The following COL4A2 variants were observed in gnomAD, a reference collection of about 807,000 sequenced individuals.
COL4A2 encodes the protein collagen type IV alpha 2 chain, also known as collagen alpha-2(IV) chain.
A neutral mutation model predicts 200.2 loss-of-function variants in COL4A2; 99 were observed. That is an observed-to-expected ratio of 0.49 (90% confidence interval 0.42 to 0.58). COL4A2 has a LOEUF of 0.58. Among genes scored for constraint, COL4A2 ranks in the 20% least tolerant of loss-of-function variants. The pLI, the probability that COL4A2 is intolerant of heterozygous loss-of-function variation, is 0.00. For missense variants in COL4A2, 1,950 were observed against 2,314.1 expected (o/e 0.84, Z 3.23); for synonymous variants, 897 against 900.6 (o/e 1.00, Z 0.07).
chr13:110,466,177 G>A (rs1358717164), intron 26 of COL4A2, 115 bp downstream of exon 26: 17 of 1,257,068 alleles, frequency 1.4e-5, no homozygotes, highest in Admixed American at 2.3e-5. Flanking sequence ...TGCAAGCCAC[G>A]TTTGATTTCC....
At chr13:110,408,817 A>ATG (rs1879687372) in intron 4 of COL4A2, among the ~76,000 whole-genome samples, 1 of 140,768 alleles carries the variant, frequency 7.1e-6, no homozygotes, top group Admixed American at 6.8e-5. Flanking sequence ...ATATATACAC[A>ATG]CACACATGCA....
chr13:110,418,344 C>G (rs1349046307), intron 4 of COL4A2, among the ~76,000 whole-genome samples: 3 of 152,178 alleles, frequency 2.0e-5, no homozygotes, highest in Non-Finnish European at 2.9e-5. Flanking sequence ...TTAACTGTAT[C>G]TTTTGACAAT....
At chr13:110,378,890 G>A (rs539138176) in intron 4 of COL4A2, among the ~76,000 whole-genome samples, 36 of 152,262 alleles carry the variant, frequency 2.4e-4, no homozygotes, top group African/African-American at 8.2e-4. Context: ...TGGTGTCGGT[G>A]GACACAGTCA....
intron 4 of COL4A2, among the ~76,000 whole-genome samples, chr13:110,390,117 T>G (rs1594186876): frequency 6.6e-6 from 1 of 152,342 alleles, no homozygotes; most frequent in South Asian, 2.1e-4. Context: ...CTGCTCTGGG[T>G]GCCAGCTACT....
In COL4A2 at chr13:110,503,248, C is replaced by T. The variant is rs780571953; in HGVS notation, c.4005C>T (p.Gly1335=). 13 of 1,613,020 alleles carry T rather than the reference C, an allele frequency of 8.1e-6. No homozygotes were observed. Among genetic ancestry groups the T allele is most frequent in the Non-Finnish European group, 1.1e-5 (13 of 1,179,662 alleles). Residue 1335 remains glycine, a synonymous_variant, in exon 42 of 48, where the codon GGC becomes GGT. Transcript: ENST00000360467. ...GGGCCGGGGACTCCGGGCCCCAGGG[C>T]AGGCCTGGTGTGTTTGGTCTCCCAG... ...KGWAGDSGPQ[G]RPGVFGLPGE... is the part of the protein sequence containing the mutation.
At position 110,445,878 on chromosome 13, in the gene COL4A2, C is replaced by T. The variant is rs1881301766; in HGVS notation, c.1007C>T (p.Pro336Leu). Residue 336 changes from proline (P) to leucine (L), a missense_variant, in exon 17 of 48, where the codon CCC (proline) becomes CTC (leucine). By Grantham distance (98) the Pro-to-Leu change is moderately conservative (BLOSUM62 -3). Coordinates refer to ENST00000360467, the MANE Select transcript of COL4A2 (RefSeq NM_001846.4). The part of the protein sequence containing the change: ...GYQGPDGPRG[P>L]KGEAGDPGPP... ...CAAGGGCCTGATGGACCCCGGGGAC[C>T]CAAGGTGAGCCCGTTTCTCATGTCT... 2 of 1,613,990 alleles carry T rather than the reference C, an allele frequency of 1.2e-6. No individual in the cohort carries two copies. The highest frequency in any genetic ancestry group is 1.7e-6 in the Non-Finnish European group (2 of 1,180,018).
At chr13:110,380,998 A>G (rs953689635) in intron 4 of COL4A2, among the ~76,000 whole-genome samples, 2 of 144,586 alleles carry the variant, frequency 1.4e-5, no homozygotes, top group Admixed American at 1.4e-4. Flanking sequence ...GCTCTATGTC[A>G]CAACCACAGG....
chr13:110,374,116 G>T (rs778343904), intron 4 of COL4A2, among the ~76,000 whole-genome samples: 1 of 152,128 alleles, frequency 6.6e-6, no homozygotes, highest in South Asian at 2.1e-4. Flanking sequence ...ACGATGGCCC[G>T]TTGGGTCAGC....
rs45612833 is a variant in COL4A2, at chr13:110,446,710, G to A, written c.1012-88G>A. 0.79 allele frequency: 910,252 copies of A among 1,152,402 alleles called. 362,391 individuals are homozygous for A. The highest frequency in any genetic ancestry group is 0.86 in the Middle Eastern group (4,032 of 4,678). The allele number at this position is 1,152,402 out of a possible 1,614,324, so 71.4% of individuals were successfully genotyped here. ...CTGCTCTGCCAGCCTGACGGTCCAC[G>A]CTCGGGTTTCTTCTTTGGAAATATG... On this transcript the variant is annotated intron_variant, in intron 17 of 47. Coordinates refer to ENST00000360467, the MANE Select transcript of COL4A2 (RefSeq NM_001846.4).
chr13:110,356,481 G>C (rs1164283281), intron 3 of COL4A2, among the ~76,000 whole-genome samples: 1 of 152,224 alleles, frequency 6.6e-6, no homozygotes, highest in Non-Finnish European at 1.5e-5. Context: ...TGATCACCAT[G>C]ATGGGTGTCC....
In COL4A2 at chr13:110,402,733, A is replaced by G. The variant is rs1879416774; in HGVS notation, c.181-22001A>G. On this transcript the variant is annotated intron_variant, in intron 4 of 47. Coordinates refer to ENST00000360467, the MANE Select transcript of COL4A2 (RefSeq NM_001846.4). ...TTACGGAGTGAGGAGCCCCTCTCCC[A>G]CAACACTGCCCTTGTGGGGCCTCTG... 2.0e-5 allele frequency among the ~76,000 whole-genome samples: 3 copies of G among 152,156 alleles called. No individual in the cohort carries two copies. The South Asian group carries it at 6.2e-4, about 32-fold the overall frequency.
intron 40 of COL4A2, among the ~76,000 whole-genome samples, chr13:110,496,004 G>A (rs1883441907): frequency 1.3e-5 from 2 of 152,272 alleles, no homozygotes; most frequent in South Asian, 4.1e-4. Context: ...CGGTCTCATT[G>A]TGCATGAGCC....
At chr13:110,397,703 G>A (rs1410867597) in intron 4 of COL4A2, among the ~76,000 whole-genome samples, 1 of 152,200 alleles carries the variant, frequency 6.6e-6, no homozygotes, top group African/African-American at 2.4e-5. Context: ...TCAGCCGCAT[G>A]TGGATGAATA....
intron 3 of COL4A2, among the ~76,000 whole-genome samples, chr13:110,333,523 G>A (rs1283873941): frequency 6.6e-6 from 1 of 152,158 alleles, no homozygotes; most frequent in Non-Finnish European, 1.5e-5. Flanking sequence ...TTCTCTTCAT[G>A]GGGGCGATTT....
At chr13:110,467,611 G>A (rs1278140015) in intron 27 of COL4A2, among the ~76,000 whole-genome samples, 3 of 152,252 alleles carry the variant, frequency 2.0e-5, no homozygotes, top group Non-Finnish European at 2.9e-5. Context: ...GAGTCTGGGT[G>A]CCCTTCACAG....
chr13:110,460,795 G>A (rs1426232843), intron 22 of COL4A2, among the ~76,000 whole-genome samples: 1 of 152,186 alleles, frequency 6.6e-6, no homozygotes, highest in African/African-American at 2.4e-5. Flanking sequence ...AAGTGTGGGA[G>A]TGGGTCAATA....
intron 3 of COL4A2, among the ~76,000 whole-genome samples, chr13:110,309,488 A>G (rs886359731): frequency 1.3e-5 from 2 of 152,244 alleles, no homozygotes; most frequent in African/African-American, 4.8e-5. Context: ...GCACGCACGC[A>G]CACTCAAAGA....
Position 110,388,842 on chromosome 13 carries a change from A to G in COL4A2, c.180+31290A>G, listed in dbSNP as rs574549157. On this transcript the variant is annotated intron_variant, in intron 4 of 47. Coordinates refer to ENST00000360467, the MANE Select transcript of COL4A2 (RefSeq NM_001846.4). ...GGGACCTCCCCCTGCCTCCCAGGGG[A>G]CAGATTCCTCGTGTGATCCCACAGG... Among the ~76,000 whole-genome samples the G allele has an allele frequency of 1.2e-4, 19 of 152,286 alleles. No homozygotes were observed. In the South Asian group the frequency reaches 1.7e-3, roughly 13 times the overall value.
chr13:110,461,494 T>C (rs1244219882), intron 22 of COL4A2, among the ~76,000 whole-genome samples: 2 of 152,262 alleles, frequency 1.3e-5, no homozygotes, highest in Non-Finnish European at 2.9e-5. Flanking sequence ...CTGTGGCTAC[T>C]TCCACTGCAT....
Sources: gnomAD v4.1 joint callset for allele counts (sites outside exome capture counted in the v4.1 genomes callset) on GRCh38, gnomAD v4.1.1 for gene constraint, MANE v1.5 for transcripts, NCBI Gene and HGNC (gene_info 2026-07-23, HGNC 2026-07-21) for gene names.